Variants in BRINP1 observed in about 807,000 individuals in gnomAD.
The protein encoded by BRINP1 is BMP/retinoic acid-inducible neural-specific protein 1.
BRINP1 carries 17 observed loss-of-function variants against 72.9 expected under a neutral mutation model. The observed-to-expected ratio is 0.23, with a 90% confidence interval of 0.16 to 0.35. The LOEUF (loss-of-function observed/expected upper bound fraction) is 0.35, where lower values mean the gene tolerates loss of function less well. Among genes scored for constraint, BRINP1 ranks in the 10% least tolerant of loss-of-function variants. BRINP1 has a pLI of 1.00. For missense variants in BRINP1, 850 were observed against 1,001.6 expected (o/e 0.85, Z 2.04); for synonymous variants, 418 against 378.5 (o/e 1.10, Z -1.21).
intron 1 of BRINP1, among the ~76,000 whole-genome samples, chr9:119,366,198 T>C (rs1831689280): frequency 6.6e-6 from 1 of 152,184 alleles, no homozygotes; most frequent in South Asian, 2.1e-4. Flanking sequence ...AGCACACCTA[T>C]GCATGTGTGC....
chr9:119,272,860 T>C (rs1409823432), intron 2 of BRINP1, among the ~76,000 whole-genome samples: 1 of 152,182 alleles, frequency 6.6e-6, no homozygotes, highest in Non-Finnish European at 1.5e-5. Flanking sequence ...CCTATATTGA[T>C]TGAAAGTAAT....
At chr9:119,334,855 C>T (rs749229611) in intron 1 of BRINP1, among the ~76,000 whole-genome samples, 1 of 151,942 alleles carries the variant, frequency 6.6e-6, no homozygotes, top group Non-Finnish European at 1.5e-5. Flanking sequence ...GACATTGTGC[C>T]AGACAAGAGA....
chr9:119,322,622 G>A (rs111556963), intron 1 of BRINP1, among the ~76,000 whole-genome samples: 1 of 152,052 alleles, frequency 6.6e-6, no homozygotes, highest in Admixed American at 6.5e-5. Context: ...CCCTCCCTCC[G>A]CCCAGGTGCC....
chr9:119,275,457 G>A (rs1830647464), intron 2 of BRINP1, among the ~76,000 whole-genome samples: 1 of 152,174 alleles, frequency 6.6e-6, no homozygotes, highest in African/African-American at 2.4e-5. Flanking sequence ...CATAAAATGT[G>A]TGCTGAGTCC....
chr9:119,275,493 C>T (rs1326605156), intron 2 of BRINP1, among the ~76,000 whole-genome samples: 6 of 152,028 alleles, frequency 3.9e-5, no homozygotes, highest in African/African-American at 1.5e-4. Flanking sequence ...GTACTCTGTC[C>T]CAACTGATGG....
intron 7 of BRINP1, among the ~76,000 whole-genome samples, chr9:119,178,990 TCA>T (rs376310437): frequency 9.2e-5 from 14 of 152,166 alleles, no homozygotes; most frequent in African/African-American, 3.4e-4. Context: ...TCTCCTCCAC[TCA>T]CAGATAATTG....
At chr9:119,298,480 T>C (rs1165170316) in intron 2 of BRINP1, among the ~76,000 whole-genome samples, 1 of 150,210 alleles carries the variant, frequency 6.7e-6, no homozygotes, top group East Asian at 2.0e-4. Flanking sequence ...CCCCCACCCC[T>C]CCCCTTCTTC....
At chr9:119,306,275 GA>G (rs1830997514) in intron 2 of BRINP1, among the ~76,000 whole-genome samples, 1 of 152,202 alleles carries the variant, frequency 6.6e-6, no homozygotes, top group Non-Finnish European at 1.5e-5. Context: ...ATCATTTTTA[GA>G]ATTGGAAGAT....
intron 2 of BRINP1, among the ~76,000 whole-genome samples, chr9:119,285,737 T>G (rs945297929): frequency 5.9e-5 from 9 of 152,128 alleles, no homozygotes; most frequent in African/African-American, 2.2e-4. Flanking sequence ...ATCCCTTAGG[T>G]TTTCTTGAAT....
chr9:119,352,479 G>A (rs1342081220), intron 1 of BRINP1, among the ~76,000 whole-genome samples: 1 of 152,164 alleles, frequency 6.6e-6, no homozygotes, highest in East Asian at 1.9e-4. Context: ...TGTCACCCAG[G>A]CTGGAGTGCA....
At chr9:119,174,814 G>C (rs942233360) in intron 7 of BRINP1, among the ~76,000 whole-genome samples, 17 of 151,442 alleles carry the variant, frequency 1.1e-4, no homozygotes, top group African/African-American at 4.1e-4. Flanking sequence ...CATGTCCTTT[G>C]TAGGGACATG....
At chr9:119,233,843 C>T (rs377623434) in intron 5 of BRINP1, among the ~76,000 whole-genome samples, 7 of 152,082 alleles carry the variant, frequency 4.6e-5, no homozygotes, top group East Asian at 1.9e-4. Context: ...CTCCTAAAAC[C>T]GTGTATTTGT....
intron 2 of BRINP1, among the ~76,000 whole-genome samples, chr9:119,290,000 A>G (rs1023638918): frequency 8.5e-5 from 13 of 152,344 alleles, no homozygotes; most frequent in Admixed American, 6.5e-4. Context: ...GTGATCCTTC[A>G]ATAATTAAAT....
chr9:119,303,736 C>T (rs561478108), intron 2 of BRINP1, among the ~76,000 whole-genome samples: 2 of 152,268 alleles, frequency 1.3e-5, no homozygotes, highest in African/African-American at 4.8e-5. Flanking sequence ...AACCAATCAT[C>T]CCCACTGCAG....
At chr9:119,287,973 G>A (rs551404924) in intron 2 of BRINP1, among the ~76,000 whole-genome samples, 2 of 152,094 alleles carry the variant, frequency 1.3e-5, no homozygotes, top group South Asian at 4.1e-4. Flanking sequence ...ACCTGCACAT[G>A]TACCACTGAA....
intron 1 of BRINP1, among the ~76,000 whole-genome samples, chr9:119,325,130 G>C (rs1371993222): frequency 6.6e-6 from 1 of 151,102 alleles, no homozygotes; most frequent in East Asian, 1.9e-4. Context: ...GAGAGAGAGA[G>C]AGAAAGAGAG....
At chr9:119,325,474 A>C (rs1287278860) in intron 1 of BRINP1, among the ~76,000 whole-genome samples, 1 of 152,126 alleles carries the variant, frequency 6.6e-6, no homozygotes, top group South Asian at 2.1e-4. Context: ...TTTCACATCC[A>C]TCTACTTCCT....
chr9:119,249,852 A>AAGGAAGGAAGAAAGGAAGGAAGGG (rs1416449775), intron 2 of BRINP1, among the ~76,000 whole-genome samples: 1 of 65,642 alleles, frequency 1.5e-5, no homozygotes, highest in Admixed American at 1.8e-4. Context: ...GGAAGGAAGG[A>AAGGAAGGAAGAAAGGAAGGAAGGG]AGGGAGGGAG....
chr9:119,335,688 A>T (rs1237707913), intron 1 of BRINP1, among the ~76,000 whole-genome samples: 1 of 152,158 alleles, frequency 6.6e-6, no homozygotes, highest in Admixed American at 6.5e-5. Context: ...CACCTATCTA[A>T]TATCAGTGAT....
Sources: gnomAD v4.1 joint callset for allele counts (sites outside exome capture counted in the v4.1 genomes callset) on GRCh38, gnomAD v4.1.1 for gene constraint, MANE v1.5 for transcripts, NCBI Gene and HGNC (gene_info 2026-07-23, HGNC 2026-07-21) for gene names.